NABP2: variants seen among roughly 807,000 people sequenced by gnomAD.
NABP2 encodes the protein SOSS complex subunit B1.
NABP2 carries 7 observed loss-of-function variants against 22.7 expected under a neutral mutation model. The observed-to-expected ratio is 0.31, with a 90% CI of 0.18 to 0.58. NABP2 has a LOEUF of 0.58. Among genes scored for constraint, NABP2 ranks in the 20% least tolerant of loss-of-function variants. NABP2 has a pLI of 0.89. For synonymous variants in NABP2, 107 were observed against 99.2 expected (o/e 1.08, Z -0.47); for missense variants, 188 against 265.9 (o/e 0.71, Z 2.04).
chr12:56,222,043 A>G (rs900342340), upstream of NABP2: 5 of 152,406 alleles, frequency 3.3e-5, no homozygotes, highest in Non-Finnish European at 5.9e-5. Flanking sequence ...AGGAGGGACG[A>G]AGGCTGGCCA....
intron 6 of NABP2, among the ~76,000 whole-genome samples, chr12:56,226,732 A>ATTTTTTT (rs10676452): frequency 1.5e-5 from 1 of 64,614 alleles, no homozygotes; most frequent in Non-Finnish European, 3.2e-5. Context: ...TGCCCGGCTA[A>ATTTTTTT]TTTTTTTTTT....
intron 3 of NABP2, 23 bp downstream of exon 3, chr12:56,225,534 G>A: frequency 6.2e-7 from 1 of 1,614,174 alleles, no homozygotes; most frequent in Admixed American, 1.7e-5. Flanking sequence ...GTGACTTCTG[G>A]CCTTCCAAAG....
intron 4 of NABP2, among the ~76,000 whole-genome samples, chr12:56,225,977 T>G (rs978630882): frequency 6.6e-6 from 1 of 152,072 alleles, no homozygotes; most frequent in Non-Finnish European, 1.5e-5. Context: ...TTTTTTTGTA[T>G]TTTTTATAGG....
In NABP2 at chr12:56,225,452, T is replaced by C; in HGVS notation, c.159T>C (p.Ser53=). The C allele has an allele frequency of 6.2e-7, 1 of 1,613,912 alleles. No homozygotes were observed. Among genetic ancestry groups the C allele is most frequent in the Middle Eastern group, 1.6e-4 (1 of 6,062 alleles). The change falls in exon 3 of 7, where the codon TCT becomes TCC. Residue 53 remains serine (S), a synonymous_variant. Transcript: ENST00000267023. ...VADKTGSINI[S]VWDDVGNLIQ... ...ACAAAACAGGCAGCATCAATATCTCTGTCTGGGACGATGTTGGCAATCTGA... is the reference window on the plus strand; with the variant it reads ...ACAAAACAGGCAGCATCAATATCTCCGTCTGGGACGATGTTGGCAATCTGA...
chr12:56,229,172 G>A lies in NABP2; in HGVS notation c.595G>A (p.Val199Ile). 6.7e-7 allele frequency: 1 copy of A among 1,486,170 alleles called. No individual in the cohort carries two copies. Among genetic ancestry groups the A allele is most frequent in the Non-Finnish European group, 9.0e-7 (1 of 1,105,068 alleles). 92.1% of individuals were successfully genotyped at this position (1,486,170 alleles called of 1,614,324 possible). The part of the protein sequence containing the change: ...AGPPGPSSNP[V>I]SNGKETRRSS... ...CCCGCCTGGCCCTTCCAGCAACCCT[G>A]TTAGTAACGGCAAAGAAACCCGGAG... The change falls in exon 7 of 7, where the codon GTT (valine) becomes ATT (isoleucine). Residue 199 changes from valine to isoleucine, a missense_variant. By Grantham distance (29) the Val-to-Ile change is conservative. Coordinates refer to ENST00000267023, the MANE Select transcript of NABP2 (RefSeq NM_024068.4).
At chr12:56,227,796 A>G (rs143402940) in intron 6 of NABP2, among the ~76,000 whole-genome samples, 1 of 152,316 alleles carries the variant, frequency 6.6e-6, no homozygotes, top group East Asian at 1.9e-4. Context: ...CTGAGTGACA[A>G]AGTGAGACCT....
At chr12:56,225,142 G>T (rs1365371603) in intron 2 of NABP2, among the ~76,000 whole-genome samples, 1 of 152,032 alleles carries the variant, frequency 6.6e-6, no homozygotes, top group East Asian at 1.9e-4. Flanking sequence ...CCTGTGCGAC[G>T]CGGGCCTCTT....
Position 56,229,174 on chromosome 12 carries a change from T to A in NABP2, c.597T>A (p.Val199=). The change falls in exon 7 of 7, where the codon GTT becomes GTA. Residue 199 remains valine, a synonymous_variant. Transcript: ENST00000267023. ...AGPPGPSSNP[V]SNGKETRRSS... is the part of the protein sequence containing the mutation. ...CGCCTGGCCCTTCCAGCAACCCTGTTAGTAACGGCAAAGAAACCCGGAGGA... is the reference window on the plus strand; with the variant it reads ...CGCCTGGCCCTTCCAGCAACCCTGTAAGTAACGGCAAAGAAACCCGGAGGA... The A allele has an allele frequency of 6.3e-7, 1 of 1,593,508 alleles. No individual in the cohort carries two copies. Among genetic ancestry groups the A allele is most frequent in the Non-Finnish European group, 8.6e-7 (1 of 1,167,934 alleles).
At position 56,224,359 on chromosome 12, in the gene NABP2, G is replaced by T. The variant is rs944103092; in HGVS notation, c.-106G>T. ...GAATGTCCGCACTCCCGCGTTCCAC[G>T]GGGCAGCATCCGGCGGCAGCGGAGC... On this transcript the variant is annotated 5_prime_UTR_variant, in exon 1 of 7. Transcript: ENST00000267023. 2.7e-5 allele frequency: 27 copies of T among 988,336 alleles called. No individual in the cohort carries two copies. The African/African-American group carries it at 4.5e-4, about 17-fold the overall frequency. The allele number at this position is 988,336 out of a possible 1,614,324, so 61.2% of individuals were successfully genotyped here.
At chr12:56,223,276 G>A (rs962166378), upstream of NABP2, among the ~76,000 whole-genome samples, 1 of 152,082 alleles carries the variant, frequency 6.6e-6, no homozygotes, top group African/African-American at 2.4e-5. Flanking sequence ...GGGAAGAGTA[G>A]TATGGCCAGG....
chr12:56,225,799 C>CTGTG, intron 4 of NABP2, 104 bp downstream of exon 4: 1 of 1,212,206 alleles, frequency 8.2e-7, no homozygotes, highest in Non-Finnish European at 1.2e-6. Flanking sequence ...TGGACTTTTT[C>CTGTG]TGTTTGTTTG....
upstream of NABP2, among the ~76,000 whole-genome samples, chr12:56,222,585 A>G (rs1869545206): frequency 6.6e-6 from 1 of 152,068 alleles, no homozygotes; most frequent in African/African-American, 2.4e-5. Flanking sequence ...TTAGCTTACA[A>G]CACCGTGGTG....
rs543527064 is a variant in NABP2 at position 56,226,172 on chromosome 12, C to T, written c.291-7C>T. On this transcript the variant is annotated splice_region_variant and splice_polypyrimidine_tract_variant and intron_variant, in intron 4 of 6. Coordinates refer to ENST00000267023, the MANE Select transcript of NABP2 (RefSeq NM_024068.4). ...TTCAAGGCTTTAGCTACTTTCTTCC[C>T]TTGCAGATTCTGTATGGTTTATTCT... 3.1e-6 allele frequency: 5 copies of T among 1,613,978 alleles called. No individual in the cohort carries two copies. In the South Asian group the frequency reaches 5.5e-5, roughly 18 times the overall value.
At chr12:56,227,358 A>G (rs1869821595) in intron 6 of NABP2, among the ~76,000 whole-genome samples, 1 of 149,248 alleles carries the variant, frequency 6.7e-6, no homozygotes, top group Non-Finnish European at 1.5e-5. Context: ...CTTGCGCGAC[A>G]GTGAGACTCT....
chr12:56,224,750 T>TA (rs1869680069), intron 1 of NABP2, 84 bp from the exon 2 acceptor site: 3 of 1,233,776 alleles, frequency 2.4e-6, no homozygotes, highest in Non-Finnish European at 2.4e-6. Context: ...GACCCCAGCC[T>TA]AATGGGGTAG....
chr12:56,227,881 G>T (rs1869846555), intron 6 of NABP2, among the ~76,000 whole-genome samples: 1 of 152,082 alleles, frequency 6.6e-6, no homozygotes, highest in Admixed American at 6.6e-5. Flanking sequence ...AGCTTTGGTG[G>T]GTAAGATTAC....
At chr12:56,226,440 C>A in intron 6 of NABP2, 21 bp downstream of exon 6, 2 of 1,606,622 alleles carry the variant, frequency 1.2e-6, no homozygotes, top group South Asian at 1.1e-5. Flanking sequence ...TCCCTTCTAT[C>A]CACTGGTCCT....
Position 56,225,598 on chromosome 12 carries a change from A to G in NABP2, c.219-26A>G, listed in dbSNP as rs199976829. 7 of 1,614,070 alleles carry G rather than the reference A, an allele frequency of 4.3e-6. No homozygotes were observed. The East Asian group carries it at 1.6e-4, about 36-fold the overall frequency. ...GTCCCTATAACACTTCTGAGTACTG[A>G]ATTTTGCTTTTTTTGCCTCCCATAG... On this transcript the variant is annotated intron_variant, in intron 3 of 6. Transcript: ENST00000267023.
rs756089322 is a variant in NABP2, at chr12:56,224,940, C to G, written c.79+5C>G. On this transcript the variant is annotated splice_donor_5th_base_variant and intron_variant, in intron 2 of 6. Transcript: ENST00000267023. ...TCTTCATTGTGCTGGAGACAGGTGT[C>G]TATACTGGGGTGGCGGGTTCGCGGG... The G allele has an allele frequency of 1.3e-6, 2 of 1,583,462 alleles. No homozygotes were observed. The highest frequency in any genetic ancestry group is 2.2e-5 in the South Asian group (2 of 90,422).
Sources: allele counts gnomAD v4.1 joint callset (sites outside exome capture counted in the v4.1 genomes callset), GRCh38; gene constraint gnomAD v4.1.1; transcripts MANE v1.5; gene names NCBI Gene and HGNC (gene_info 2026-07-23, HGNC 2026-07-21).